The following MEGF10 variants were observed in gnomAD, a reference collection of about 807,000 sequenced individuals.
MEGF10 encodes the protein multiple epidermal growth factor-like domains protein 10.
MEGF10 carries 86 observed loss-of-function variants against 147.5 expected under a neutral mutation model. The observed-to-expected ratio is 0.58, with a 90% CI of 0.49 to 0.70. The LOEUF (loss-of-function observed/expected upper bound fraction) is 0.70, where lower values mean the gene tolerates loss of function less well. Among genes scored for constraint, MEGF10 ranks in the 30% least tolerant of loss-of-function variants. The pLI is 0.00. For missense variants in MEGF10, 1,329 were observed against 1,487.3 expected (o/e 0.89, Z 1.75); for synonymous variants, 478 against 525.5 (o/e 0.91, Z 1.24).
rs1338466954 is a variant in MEGF10 at position 127,355,524 on chromosome 5, G to A, written c.320-14386G>A. 2.6e-5 allele frequency among the ~76,000 whole-genome samples: 4 copies of A among 152,060 alleles called. No homozygotes were observed. In the East Asian group the frequency reaches 7.7e-4, roughly 29 times the overall value. ...TAGGGACCCTGTACTCTGTTGCTAT[G>A]GTGTCCGACGTGGTTCAGAGGAACC... On this transcript the variant is annotated intron_variant, in intron 4 of 24. Transcript: ENST00000503335.
At chr5:127,316,443 G>T (rs570009633) in intron 1 of MEGF10, among the ~76,000 whole-genome samples, 9 of 152,226 alleles carry the variant, frequency 5.9e-5, no homozygotes, top group African/African-American at 2.2e-4. Context: ...TCTTTTCAGA[G>T]ACTACATATT....
chr5:127,323,013 C>CAT (rs1760852269), intron 1 of MEGF10, among the ~76,000 whole-genome samples: 1 of 151,606 alleles, frequency 6.6e-6, no homozygotes, highest in Admixed American at 6.6e-5. Flanking sequence ...ATTGCATATA[C>CAT]ATATATATGC....
intron 11 of MEGF10, 26 bp from the exon 12 acceptor site, chr5:127,420,018 C>T (rs1422887056): frequency 1.3e-5 from 21 of 1,610,988 alleles, no homozygotes; most frequent in South Asian, 2.2e-5. Context: ...TGTTCGCTCA[C>T]GTGCTCTGGC....
At chr5:127,450,937 T>A (rs529923800) in intron 22 of MEGF10, among the ~76,000 whole-genome samples, 3 of 152,218 alleles carry the variant, frequency 2.0e-5, no homozygotes, top group African/African-American at 7.2e-5. Flanking sequence ...TTTTGCATTT[T>A]CAGTAGAGAC....
chr5:127,404,588 C>G (rs1274533718), intron 8 of MEGF10, among the ~76,000 whole-genome samples: 1 of 152,058 alleles, frequency 6.6e-6, no homozygotes, highest in African/African-American at 2.4e-5. Flanking sequence ...TCTGTCATGT[C>G]CTGGAAGACT....
chr5:127,370,857 A>G (rs189705803), intron 5 of MEGF10, among the ~76,000 whole-genome samples: 1 of 152,336 alleles, frequency 6.6e-6, no homozygotes, highest in East Asian at 1.9e-4. Context: ...ACTAAATTGT[A>G]ATGCGTGAAA....
At chr5:127,292,744 C>A (rs953266899) in intron 1 of MEGF10, among the ~76,000 whole-genome samples, 1 of 152,176 alleles carries the variant, frequency 6.6e-6, no homozygotes. Flanking sequence ...CTGTATACCT[C>A]CTTGGAAATC....
chr5:127,247,401 GAAGAAGAAGAAGAAGAA>G, the MEGF10 span, among the ~76,000 whole-genome samples: 7 of 54,598 alleles, frequency 1.3e-4, no homozygotes, highest in African/African-American at 6.5e-4. Flanking sequence ...AGAAGAAGAA[GAAGAAGAAGAAGAAGAA>G]GAAGAAGAAG....
intron 22 of MEGF10, among the ~76,000 whole-genome samples, chr5:127,451,461 A>C (rs1766153922): frequency 6.6e-6 from 1 of 152,236 alleles, no homozygotes; most frequent in Non-Finnish European, 1.5e-5. Context: ...AAAATTATTT[A>C]CATACGAGAC....
At chr5:127,411,067 G>T (rs1764539654) in intron 9 of MEGF10, among the ~76,000 whole-genome samples, 1 of 152,210 alleles carries the variant, frequency 6.6e-6, no homozygotes, top group South Asian at 2.1e-4. Context: ...TGAACTGGTG[G>T]AAGTTTTGTG....
At chr5:127,370,410 G>A (rs1035593996) in intron 5 of MEGF10, among the ~76,000 whole-genome samples, 4 of 152,044 alleles carry the variant, frequency 2.6e-5, no homozygotes, top group African/African-American at 9.7e-5. Flanking sequence ...ACCACCTGTT[G>A]GTTTTTAACT....
intron 8 of MEGF10, 55 bp from the exon 9 acceptor site, chr5:127,410,334 A>G (rs1476046205): frequency 1.9e-6 from 3 of 1,546,502 alleles, no homozygotes; most frequent in African/African-American, 2.7e-5. Context: ...TTAACTGTTT[A>G]TTTTCACATG....
At chr5:127,432,375 C>T (rs965492015) in intron 13 of MEGF10, among the ~76,000 whole-genome samples, 8 of 152,258 alleles carry the variant, frequency 5.3e-5, no homozygotes, top group East Asian at 3.9e-4. Flanking sequence ...AAGACATGAC[C>T]GTCTCAGCAT....
intron 5 of MEGF10, among the ~76,000 whole-genome samples, chr5:127,385,567 C>T (rs961348219): frequency 2.1e-4 from 32 of 152,278 alleles, no homozygotes; most frequent in African/African-American, 7.0e-4. Flanking sequence ...GCCACTGTGC[C>T]GGGCCGACAT....
intron 5 of MEGF10, among the ~76,000 whole-genome samples, chr5:127,381,037 C>T (rs1017114159): frequency 6.6e-6 from 1 of 152,122 alleles, no homozygotes; most frequent in African/African-American, 2.4e-5. Flanking sequence ...ATGGTGGCCC[C>T]ATGACTAAGG....
the MEGF10 span, among the ~76,000 whole-genome samples, chr5:127,284,659 C>T: frequency 6.6e-6 from 1 of 150,862 alleles, no homozygotes; most frequent in Admixed American, 6.7e-5. Context: ...ATACATGCCT[C>T]TTGTTGTTAG....
At chr5:127,442,028 C>T (rs1765776184) in intron 18 of MEGF10, among the ~76,000 whole-genome samples, 1 of 152,194 alleles carries the variant, frequency 6.6e-6, no homozygotes, top group Non-Finnish European at 1.5e-5. Context: ...CAGTTGCATA[C>T]ATAACTCTAT....
chr5:127,326,657 G>A (rs1167795666), intron 1 of MEGF10, among the ~76,000 whole-genome samples: 1 of 152,172 alleles, frequency 6.6e-6, no homozygotes, highest in African/African-American at 2.4e-5. Context: ...AGTAGTTTGA[G>A]GAACAGTGAG....
At chr5:127,302,261 A>G (rs1416418282) in intron 1 of MEGF10, among the ~76,000 whole-genome samples, 1 of 152,224 alleles carries the variant, frequency 6.6e-6, no homozygotes. Flanking sequence ...AATGTGATAT[A>G]TTTACAGAAT....
Sources: allele counts gnomAD v4.1 joint callset (sites outside exome capture counted in the v4.1 genomes callset), GRCh38; gene constraint gnomAD v4.1.1; transcripts MANE v1.5; gene names NCBI Gene and HGNC (gene_info 2026-07-23, HGNC 2026-07-21).